Variants in PPP3CA observed in about 807,000 individuals in gnomAD.
The protein encoded by PPP3CA is CAM-PRP catalytic subunit.
A neutral mutation model predicts 66.5 loss-of-function variants in PPP3CA; 14 were observed. That is an observed-to-expected ratio of 0.21 (90% CI 0.14 to 0.33). The LOEUF is 0.33. PPP3CA is among the 10% of genes least tolerant of loss of function. The pLI is 1.00. For synonymous variants in PPP3CA, 232 were observed against 226.2 expected (o/e 1.03, Z -0.23); for missense variants, 317 against 639.5 (o/e 0.50, Z 5.44).
chr4:101,171,365 A>AAC (rs1723873402), intron 2 of PPP3CA: 8 of 351,882 alleles, frequency 2.3e-5, no homozygotes, highest in South Asian at 1.6e-4. Flanking sequence ...AAAAAAAAAA[A>AAC]CCCTTCAAAG....
At chr4:101,087,775 T>C (rs745327850) in intron 6 of PPP3CA, among the ~76,000 whole-genome samples, 2 of 152,188 alleles carry the variant, frequency 1.3e-5, no homozygotes, top group Non-Finnish European at 2.9e-5. Context: ...TGTCGTTTGA[T>C]GCACTTATAG....
At position 101,190,646 on chromosome 4, in the gene PPP3CA, T is replaced by C. The variant is rs1003076856; in HGVS notation, c.259+5270A>G. On this transcript the variant is annotated intron_variant, in intron 2 of 13. Transcript: ENST00000394854. Reference sequence around the variant, plus strand: ...TGAGCCCCTGGCTTACATTTTTTGTTTGATACACTGTTCCAGTAGCAACTT... The same window carrying C: ...TGAGCCCCTGGCTTACATTTTTTGTCTGATACACTGTTCCAGTAGCAACTT... 4.6e-5 allele frequency among the ~76,000 whole-genome samples: 7 copies of C among 152,260 alleles called. No homozygotes were observed. In the South Asian group the frequency reaches 6.2e-4, roughly 14 times the overall value.
At chr4:101,210,878 A>G (rs1396813788) in intron 1 of PPP3CA, among the ~76,000 whole-genome samples, 1 of 152,208 alleles carries the variant, frequency 6.6e-6, no homozygotes, top group Non-Finnish European at 1.5e-5. Context: ...ATGTTCTTAA[A>G]TATCATCCAA....
intron 1 of PPP3CA, among the ~76,000 whole-genome samples, chr4:101,253,673 C>G (rs1726747260): frequency 6.6e-6 from 1 of 151,996 alleles, no homozygotes; most frequent in Non-Finnish European, 1.5e-5. Context: ...TACAGATTAT[C>G]TGATTAAATT....
intron 2 of PPP3CA, among the ~76,000 whole-genome samples, chr4:101,129,040 G>T (rs904665238): frequency 2.0e-5 from 3 of 152,180 alleles, no homozygotes; most frequent in Non-Finnish European, 4.4e-5. Flanking sequence ...AAGTTGACCT[G>T]GGACTTTTGA....
chr4:101,096,459 TAAAC>T (rs1560599645), intron 5 of PPP3CA, among the ~76,000 whole-genome samples: 1 of 152,204 alleles, frequency 6.6e-6, no homozygotes, highest in Non-Finnish European at 1.5e-5. Flanking sequence ...GATTGCGTCT[TAAAC>T]AAAATAGTAC....
At chr4:101,042,630 G>C (rs76536080) in intron 10 of PPP3CA, among the ~76,000 whole-genome samples, 10,862 of 151,998 alleles carry the variant, frequency 0.071, 466 homozygotes, top group African/African-American at 0.12. Flanking sequence ...AAAATAGGGT[G>C]TGTGCAGGAT....
chr4:101,031,411 T>C (rs1173399544), intron 12 of PPP3CA, among the ~76,000 whole-genome samples: 4 of 152,204 alleles, frequency 2.6e-5, no homozygotes, highest in African/African-American at 9.6e-5. Context: ...AATTGTATTG[T>C]ATGTAATAAT....
At chr4:101,164,562 G>GTTTGTTT (rs1553929953) in intron 2 of PPP3CA, among the ~76,000 whole-genome samples, 3 of 142,194 alleles carry the variant, frequency 2.1e-5, no homozygotes, top group African/African-American at 7.8e-5. Context: ...TGGGATTTAA[G>GTTTGTTT]TTTTTTTTTT....
intron 1 of PPP3CA, among the ~76,000 whole-genome samples, chr4:101,275,095 G>A (rs2110270671): frequency 6.6e-6 from 1 of 152,170 alleles, no homozygotes; most frequent in African/African-American, 2.4e-5. Flanking sequence ...TTCCTCATTA[G>A]CCTCATTATT....
chr4:101,234,819 A>T (rs1726075610), intron 1 of PPP3CA, among the ~76,000 whole-genome samples: 1 of 151,784 alleles, frequency 6.6e-6, no homozygotes, highest in South Asian at 2.1e-4. Context: ...ATTACCTTTT[A>T]CTTAATCACA....
intron 2 of PPP3CA, among the ~76,000 whole-genome samples, chr4:101,153,404 A>G (rs1039642190): frequency 2.6e-5 from 4 of 152,238 alleles, no homozygotes; most frequent in Non-Finnish European, 5.9e-5. Context: ...ATCTTTCTTA[A>G]TAACATTCAT....
intron 1 of PPP3CA, among the ~76,000 whole-genome samples, chr4:101,210,787 AT>A (rs963900525): frequency 3.3e-5 from 5 of 152,084 alleles, no homozygotes; most frequent in African/African-American, 1.2e-4. Context: ...GCCAGTATTA[AT>A]TTTTACTCTT....
rs77963132 is a variant in PPP3CA at position 101,188,132 on chromosome 4, C to A, written c.259+7784G>T. 4.1e-4 allele frequency among the ~76,000 whole-genome samples: 63 copies of A among 152,096 alleles called. No homozygotes were observed. The East Asian group carries it at 6.6e-3, about 16-fold the overall frequency. On this transcript the variant is annotated intron_variant, in intron 2 of 13. Coordinates refer to ENST00000394854, the MANE Select transcript of PPP3CA (RefSeq NM_000944.5). Reference sequence around the variant, plus strand: ...TTCTGGGAATCAGGTTCATGAATTCCAAGTATATCTTTTCGTATTAAAATA... The same window carrying A: ...TTCTGGGAATCAGGTTCATGAATTCAAAGTATATCTTTTCGTATTAAAATA...
intron 2 of PPP3CA, among the ~76,000 whole-genome samples, chr4:101,133,247 C>T (rs765252689): frequency 6.6e-6 from 1 of 152,072 alleles, no homozygotes; most frequent in Non-Finnish European, 1.5e-5. Flanking sequence ...AAGTTCTGGC[C>T]AGGGCAGTCA....
At chr4:101,178,131 G>A (rs1008532804) in intron 2 of PPP3CA, among the ~76,000 whole-genome samples, 15 of 152,054 alleles carry the variant, frequency 9.9e-5, no homozygotes, top group African/African-American at 2.9e-4. Context: ...TTTAAATGAG[G>A]AGCATGTTAG....
chr4:101,346,214 A>C (rs1729988040), intron 1 of PPP3CA, among the ~76,000 whole-genome samples: 1 of 150,342 alleles, frequency 6.7e-6, no homozygotes, highest in African/African-American at 2.5e-5. Context: ...GGGGGCGCGG[A>C]GGGAATTGCT....
chr4:101,194,152 A>T (rs1179874889), intron 2 of PPP3CA, among the ~76,000 whole-genome samples: 3 of 152,132 alleles, frequency 2.0e-5, no homozygotes, highest in Non-Finnish European at 4.4e-5. Flanking sequence ...TTCCTCCTCT[A>T]CCTGACCCTA....
intron 3 of PPP3CA, among the ~76,000 whole-genome samples, chr4:101,105,562 C>T (rs950203079): frequency 1.3e-5 from 2 of 150,998 alleles, no homozygotes; most frequent in Non-Finnish European, 2.9e-5. Context: ...CAGAAGCCTG[C>T]ACTCTTCAAG....
Sources: allele counts gnomAD v4.1 joint callset (sites outside exome capture counted in the v4.1 genomes callset), GRCh38; gene constraint gnomAD v4.1.1; transcripts MANE v1.5; gene names NCBI Gene and HGNC (gene_info 2026-07-23, HGNC 2026-07-21).